FBXO34: variants seen among roughly 807,000 people sequenced by gnomAD.
FBXO34 encodes the protein F-box only protein 34.
FBXO34 carries 12 observed loss-of-function variants against 24.5 expected under a neutral mutation model. The ratio of observed to expected loss-of-function variants is 0.49; its 90% confidence interval spans 0.31 to 0.79. The LOEUF is 0.79. FBXO34 is among the 30% of genes least tolerant of loss of function. The probability of loss-of-function intolerance (pLI) is 0.04; values close to 1 mark genes in which losing one functional copy is unlikely to be tolerated. For missense variants in FBXO34, 823 were observed against 857.7 expected (o/e 0.96, Z 0.51); for synonymous variants, 320 against 311.9 (o/e 1.03, Z -0.27).
At chr14:55,436,961 A>G in the FBXO34 span, 2 of 1,614,232 alleles carry the variant, frequency 1.2e-6, no homozygotes, top group East Asian at 2.2e-5. Context: ...TTCAGTATGT[A>G]CATATCATAA....
chr14:55,380,219 G>C, the FBXO34 span, among the ~76,000 whole-genome samples: 1 of 151,994 alleles, frequency 6.6e-6, no homozygotes, highest in Non-Finnish European at 1.5e-5. Context: ...CTGCACTCTG[G>C]CCTGGGCGAC....
At chr14:55,312,665 C>T (rs1327626554) in intron 1 of FBXO34, among the ~76,000 whole-genome samples, 1 of 152,372 alleles carries the variant, frequency 6.6e-6, no homozygotes, top group East Asian at 1.9e-4. Context: ...GCAGGCCCAA[C>T]ACCATGTGTA....
chr14:55,333,722 C>CTT (rs11406474), intron 1 of FBXO34, among the ~76,000 whole-genome samples: 32 of 145,370 alleles, frequency 2.2e-4, no homozygotes, highest in African/African-American at 6.0e-4. Flanking sequence ...GCTGGGGTGG[C>CTT]TTTTTTTTTT....
At chr14:55,404,070 G>A in the FBXO34 span, among the ~76,000 whole-genome samples, 8 of 152,142 alleles carry the variant, frequency 5.3e-5, no homozygotes, top group Admixed American at 6.5e-5. Context: ...GACCTTCTGG[G>A]AGCCTGGATT....
At chr14:55,294,015 TC>T (rs1206395868) in intron 1 of FBXO34, among the ~76,000 whole-genome samples, 3 of 152,150 alleles carry the variant, frequency 2.0e-5, no homozygotes, top group Admixed American at 6.6e-5. Context: ...AGAACGCTAT[TC>T]CTTAGATAAA....
intron 1 of FBXO34, among the ~76,000 whole-genome samples, chr14:55,335,075 AG>A (rs1380656597): frequency 1.3e-5 from 2 of 152,174 alleles, no homozygotes; most frequent in Admixed American, 6.5e-5. Context: ...AGTGGAGGGC[AG>A]GTGAAGGGCA....
the FBXO34 span, chr14:55,440,423 C>T: frequency 2.5e-6 from 4 of 1,613,080 alleles, no homozygotes; most frequent in South Asian, 3.3e-5. Flanking sequence ...CCAGGTAGAG[C>T]TCCAGGTAGG....
At chr14:55,290,425 T>A (rs1042037281) in intron 1 of FBXO34, among the ~76,000 whole-genome samples, 13 of 151,936 alleles carry the variant, frequency 8.6e-5, no homozygotes, top group Middle Eastern at 3.2e-3. Context: ...ATAAATTAAT[T>A]AATTAATTGA....
At chr14:55,316,215 A>G (rs988936215) in intron 1 of FBXO34, among the ~76,000 whole-genome samples, 11 of 152,074 alleles carry the variant, frequency 7.2e-5, no homozygotes, top group African/African-American at 2.7e-4. Context: ...CATAGTCTCT[A>G]TCAGGAATTG....
At chr14:55,412,336 A>G in the FBXO34 span, among the ~76,000 whole-genome samples, 2 of 152,200 alleles carry the variant, frequency 1.3e-5, no homozygotes, top group Non-Finnish European at 1.5e-5. Context: ...CTCGTGTTAA[A>G]TGGATAGAAT....
intron 1 of FBXO34, among the ~76,000 whole-genome samples, chr14:55,312,372 C>G (rs1882773969): frequency 6.6e-6 from 1 of 152,162 alleles, no homozygotes. Flanking sequence ...TCTTGAGTAT[C>G]TATGGCTTTT....
intron 1 of FBXO34, among the ~76,000 whole-genome samples, chr14:55,290,711 GA>G (rs1277110253): frequency 2.6e-5 from 4 of 152,180 alleles, no homozygotes; most frequent in African/African-American, 9.6e-5. Flanking sequence ...TCATTAGTTA[GA>G]ACTTAGTGTC....
At chr14:55,404,787 C>T in the FBXO34 span, among the ~76,000 whole-genome samples, 10 of 152,256 alleles carry the variant, frequency 6.6e-5, no homozygotes, top group African/African-American at 2.4e-4. Flanking sequence ...TACTGTTATA[C>T]ACACACATGC....
At chr14:55,333,158 T>A (rs952682015) in intron 1 of FBXO34, among the ~76,000 whole-genome samples, 1 of 152,204 alleles carries the variant, frequency 6.6e-6, no homozygotes, top group Non-Finnish European at 1.5e-5. Flanking sequence ...ATCCCAGCAG[T>A]CTGTGGTTAC....
At chr14:55,428,119 C>CTTT in the FBXO34 span, among the ~76,000 whole-genome samples, 146 of 43,358 alleles carry the variant, frequency 3.4e-3, 41 homozygotes, top group African/African-American at 0.015. Flanking sequence ...CATGCCTTAT[C>CTTT]TTTTTTTTTT....
At chr14:55,384,345 A>G in the FBXO34 span, among the ~76,000 whole-genome samples, 1 of 152,254 alleles carries the variant, frequency 6.6e-6, no homozygotes, top group Non-Finnish European at 1.5e-5. Context: ...CAACTTCCCC[A>G]AAGTATCAAT....
At chr14:55,418,572 C>T in the FBXO34 span, among the ~76,000 whole-genome samples, 41 of 152,300 alleles carry the variant, frequency 2.7e-4, no homozygotes, top group African/African-American at 9.4e-4. Context: ...CACATCCTGT[C>T]GTGTCTCTGG....
At chr14:55,289,144 C>T (rs1050399845) in intron 1 of FBXO34, among the ~76,000 whole-genome samples, 8 of 152,138 alleles carry the variant, frequency 5.3e-5, no homozygotes, top group Non-Finnish European at 1.2e-4. Context: ...TTGCCCTTTT[C>T]TCTCAAATGA....
intron 1 of FBXO34, among the ~76,000 whole-genome samples, chr14:55,290,131 C>T (rs930323174): frequency 2.0e-5 from 3 of 152,062 alleles, no homozygotes; most frequent in Admixed American, 6.5e-5. Context: ...GTGGCTCACG[C>T]CTGTAATCCC....
Sources: gnomAD v4.1 joint callset for allele counts (sites outside exome capture counted in the v4.1 genomes callset) on GRCh38, gnomAD v4.1.1 for gene constraint, MANE v1.5 for transcripts, NCBI Gene and HGNC (gene_info 2026-07-23, HGNC 2026-07-21) for gene names.